Variants in PRSS48 observed in about 807,000 individuals in gnomAD.
PRSS48 encodes serine protease 48.
Under a neutral mutation model 25.6 loss-of-function variants are expected in PRSS48, and 21 were observed. That is an observed-to-expected ratio of 0.82 (90% CI 0.58 to 1.18). The LOEUF (loss-of-function observed/expected upper bound fraction) is 1.18. Ranked by LOEUF, PRSS48 falls within the 50% of genes most tolerant of loss-of-function variation. The pLI, the probability that PRSS48 is intolerant of heterozygous loss-of-function variation, is 0.00. For missense variants in PRSS48, 373 were observed against 399.3 expected (o/e 0.93, Z 0.56); for synonymous variants, 150 against 149.3 (o/e 1.00, Z -0.04).
intron 4 of PRSS48, among the ~76,000 whole-genome samples, chr4:151,286,979 C>CAAA (rs772454360): frequency 9.8e-6 from 1 of 101,852 alleles, no homozygotes; most frequent in Non-Finnish European, 2.0e-5. Flanking sequence ...GATTCTGTCT[C>CAAA]AAAAATAATA....
At chr4:151,279,553 C>A (rs553882859) in intron 1 of PRSS48, among the ~76,000 whole-genome samples, 2 of 152,144 alleles carry the variant, frequency 1.3e-5, no homozygotes, top group African/African-American at 4.8e-5. Context: ...GTTAATGATA[C>A]CCTATTTCTT....
At chr4:151,285,799 C>T (rs1300344666) in intron 4 of PRSS48, among the ~76,000 whole-genome samples, 1 of 151,862 alleles carries the variant, frequency 6.6e-6, no homozygotes, top group African/African-American at 2.4e-5. Context: ...CCCAGAAGTT[C>T]ACATATGTAG....
At chr4:151,290,814 T>C (rs915002222) in intron 4 of PRSS48, among the ~76,000 whole-genome samples, 3 of 152,240 alleles carry the variant, frequency 2.0e-5, no homozygotes, top group Non-Finnish European at 2.9e-5. Context: ...TTAAGGCAGT[T>C]CATTCATTTG....
At chr4:151,281,440 G>A (rs1265472766) in intron 2 of PRSS48, among the ~76,000 whole-genome samples, 1 of 152,184 alleles carries the variant, frequency 6.6e-6, no homozygotes, top group Non-Finnish European at 1.5e-5. Context: ...CTGGCTAGGA[G>A]GATGGGTGGA....
At chr4:151,280,809 A>T (rs997267266) in intron 2 of PRSS48, among the ~76,000 whole-genome samples, 2 of 151,584 alleles carry the variant, frequency 1.3e-5, no homozygotes, top group Admixed American at 6.6e-5. Flanking sequence ...AATTAAGTTT[A>T]AAAAAAAACT....
intron 3 of PRSS48, among the ~76,000 whole-genome samples, 172 bp from the exon 4 acceptor site, chr4:151,282,945 T>C (rs931786703): frequency 6.6e-6 from 1 of 152,190 alleles, no homozygotes; most frequent in Admixed American, 6.5e-5. Context: ...TTAGAATTAC[T>C]GAGTTTTAGA....
chr4:151,280,808 T>TA (rs891400469), intron 2 of PRSS48, among the ~76,000 whole-genome samples: 6 of 150,766 alleles, frequency 4.0e-5, no homozygotes, highest in African/African-American at 1.5e-4. Flanking sequence ...AAATTAAGTT[T>TA]AAAAAAAAAC....
chr4:151,280,396 A>C (rs1000137564), intron 2 of PRSS48, among the ~76,000 whole-genome samples: 2 of 152,182 alleles, frequency 1.3e-5, no homozygotes, highest in African/African-American at 4.8e-5. Context: ...CTCCCCAGTA[A>C]GATGACTGCA....
exon 5 of PRSS48, chr4:151,291,423 T>G: frequency 6.2e-7 from 1 of 1,613,072 alleles, no homozygotes; most frequent in Non-Finnish European, 8.5e-7. Context: ...GGGAAGAGAA[T>G]GCATGGAGAT....
chr4:151,290,668 T>C (rs1775232595), intron 4 of PRSS48, among the ~76,000 whole-genome samples: 1 of 152,154 alleles, frequency 6.6e-6, no homozygotes, highest in Non-Finnish European at 1.5e-5. Flanking sequence ...TTGTGTAGTA[T>C]GTGAATTATA....
At chr4:151,290,300 C>T (rs1346705276) in intron 4 of PRSS48, among the ~76,000 whole-genome samples, 4 of 152,120 alleles carry the variant, frequency 2.6e-5, no homozygotes, top group Non-Finnish European at 4.4e-5. Context: ...TCACAATGTC[C>T]ATTAGGTGAT....
downstream of PRSS48, chr4:151,291,586 T>A: frequency 1.6e-6 from 1 of 627,838 alleles, no homozygotes; most frequent in Non-Finnish European, 2.8e-6. Context: ...GTCACTTCTG[T>A]ACATTCTTTG....
exon 3 of PRSS48, chr4:151,282,291 T>C: frequency 6.2e-7 from 1 of 1,613,982 alleles, no homozygotes; most frequent in African/African-American, 1.3e-5. Context: ...TTGTTGAAAC[T>C]GTCCTCTCAA....
intron 2 of PRSS48, among the ~76,000 whole-genome samples, chr4:151,280,201 CCA>C (rs1774079835): frequency 1.2e-5 from 1 of 81,960 alleles, no homozygotes; most frequent in Non-Finnish European, 3.4e-5. Flanking sequence ...CTTCTAAATA[CCA>C]GTCAGGAGAT....
At chr4:151,289,241 A>G (rs1775102869) in intron 4 of PRSS48, among the ~76,000 whole-genome samples, 1 of 152,226 alleles carries the variant, frequency 6.6e-6, no homozygotes, top group Admixed American at 6.5e-5. Context: ...CTCAAAATGG[A>G]TCTAAGACCT....
Position 151,278,133 on chromosome 4 carries a change from T to A in PRSS48, c.52+909T>A, listed in dbSNP as rs1311766552. The stretch of plus-strand genomic sequence containing the variant: ...CAAATACTGCAAAATGCCAATTCAG[T>A]TAAACCAAATAGCACAAAAGTAAAC... On this transcript the variant is annotated intron_variant, in intron 1 of 4. Coordinates refer to ENST00000455694, the Ensembl canonical transcript of PRSS48. 2.0e-5 allele frequency among the ~76,000 whole-genome samples: 3 copies of A among 152,264 alleles called. No homozygotes were observed. In the East Asian group the frequency reaches 5.8e-4, roughly 29 times the overall value.
At chr4:151,286,842 T>C (rs1171459185) in intron 4 of PRSS48, among the ~76,000 whole-genome samples, 1 of 151,664 alleles carries the variant, frequency 6.6e-6, no homozygotes, top group African/African-American at 2.4e-5. Flanking sequence ...TAGCCAGGCA[T>C]GGTGGCATGT....
intron 2 of PRSS48, 139 bp from the exon 3 acceptor site, chr4:151,282,009 C>T: frequency 1.2e-6 from 1 of 808,692 alleles, no homozygotes. Flanking sequence ...CAAATCAACC[C>T]TAGTTGAAGT....
At chr4:151,285,868 C>T (rs546209098) in intron 4 of PRSS48, among the ~76,000 whole-genome samples, 2 of 151,814 alleles carry the variant, frequency 1.3e-5, no homozygotes, top group South Asian at 2.1e-4. Context: ...CTCTGTGGCT[C>T]TGTCTCTTAA....
Sources: gnomAD v4.1 joint callset for allele counts (sites outside exome capture counted in the v4.1 genomes callset) on GRCh38, gnomAD v4.1.1 for gene constraint, MANE v1.5 for transcripts, NCBI Gene and HGNC (gene_info 2026-07-23, HGNC 2026-07-21) for gene names.